Variants in ADGRL3 observed in about 807,000 individuals in gnomAD.
ADGRL3 encodes calcium-independent alpha-latrotoxin receptor 3.
ADGRL3 carries 62 observed loss-of-function variants against 153.5 expected under a neutral mutation model. That is an observed-to-expected ratio of 0.40 (90% CI 0.33 to 0.50). ADGRL3 has a LOEUF of 0.50. ADGRL3 is among the 20% of genes least tolerant of loss of function. ADGRL3 has a pLI of 0.47. For synonymous variants in ADGRL3, 710 were observed against 672.5 expected (o/e 1.06, Z -0.86); for missense variants, 1,641 against 1,859.4 (o/e 0.88, Z 2.16).
chr4:61,789,536 A>G (rs1011395064), intron 8 of ADGRL3, among the ~76,000 whole-genome samples: 1 of 152,182 alleles, frequency 6.6e-6, no homozygotes, highest in Non-Finnish European at 1.5e-5. Flanking sequence ...AATACACAAT[A>G]AAGTTCCATT....
chr4:61,664,748 T>G (rs1171398328), intron 5 of ADGRL3, among the ~76,000 whole-genome samples: 5 of 152,208 alleles, frequency 3.3e-5, no homozygotes, highest in African/African-American at 1.2e-4. Context: ...GGTTTATTTT[T>G]GTTCTTAGTT....
rs1307909102 is a variant in ADGRL3 at position 61,201,050 on chromosome 4, G to A, written c.-955G>A. Among the ~76,000 whole-genome samples, 1 of 152,172 alleles carries A rather than the reference G, an allele frequency of 6.6e-6. No homozygotes were observed. The highest frequency in any genetic ancestry group is 1.5e-5 in the Non-Finnish European group (1 of 68,022). ...GGACCCTCGGCTGGGAGAGAGCCTC[G>A]GGAGGACGAAGAGGAGGACGGTTTG... On this transcript the variant is annotated 5_prime_UTR_variant, in exon 1 of 27. Coordinates refer to ENST00000683033, the MANE Select transcript of ADGRL3 (RefSeq NM_001387552.1).
At chr4:61,956,327 T>C (rs1489658195) in intron 17 of ADGRL3, among the ~76,000 whole-genome samples, 1 of 151,864 alleles carries the variant, frequency 6.6e-6, no homozygotes, top group African/African-American at 2.4e-5. Context: ...GTTGGCTGCG[T>C]AAATGTCGTC....
At chr4:61,786,525 A>G (rs2097277601) in intron 8 of ADGRL3, among the ~76,000 whole-genome samples, 1 of 152,206 alleles carries the variant, frequency 6.6e-6, no homozygotes, top group South Asian at 2.1e-4. Flanking sequence ...ATGGGGAAAA[A>G]GAGGAGATGC....
chr4:61,620,424 A>G (rs2092417425), intron 5 of ADGRL3, among the ~76,000 whole-genome samples: 1 of 152,142 alleles, frequency 6.6e-6, no homozygotes, highest in Admixed American at 6.5e-5. Context: ...GAGTTATGGT[A>G]CCAATGATGG....
At chr4:61,399,433 G>A (rs2096904722) in intron 2 of ADGRL3, among the ~76,000 whole-genome samples, 3 of 151,538 alleles carry the variant, frequency 2.0e-5, no homozygotes, top group Non-Finnish European at 3.0e-5. Context: ...ATCAGACAAT[G>A]ATATATAACA....
chr4:61,396,269 A>G (rs989844542), intron 2 of ADGRL3, among the ~76,000 whole-genome samples: 2 of 151,936 alleles, frequency 1.3e-5, no homozygotes, highest in African/African-American at 4.8e-5. Context: ...CTCATTATTT[A>G]TATTTATGTT....
At chr4:61,765,315 A>G (rs146282619) in intron 8 of ADGRL3, among the ~76,000 whole-genome samples, 13,181 of 151,978 alleles carry the variant, frequency 0.087, 1,241 homozygotes, top group African/African-American at 0.23. Flanking sequence ...ATGAGACTGG[A>G]GCCTAATAAA....
chr4:61,467,243 T>A (rs1030586809), intron 2 of ADGRL3, among the ~76,000 whole-genome samples: 1 of 152,172 alleles, frequency 6.6e-6, no homozygotes, highest in Non-Finnish European at 1.5e-5. Context: ...ATGTTTTGTT[T>A]CAATCTCTTT....
At chr4:61,333,797 G>T (rs1308249752) in intron 1 of ADGRL3, among the ~76,000 whole-genome samples, 5 of 151,760 alleles carry the variant, frequency 3.3e-5, no homozygotes, top group African/African-American at 1.2e-4. Context: ...TTTATTTTTT[G>T]TAAAGAGGGA....
intron 21 of ADGRL3, among the ~76,000 whole-genome samples, chr4:62,011,746 T>A (rs1164065236): frequency 6.6e-6 from 1 of 152,130 alleles, no homozygotes; most frequent in African/African-American, 2.4e-5. Flanking sequence ...CAAAACTTTT[T>A]TAAAATATAA....
At chr4:61,948,437 A>G (rs1484578871) in intron 17 of ADGRL3, among the ~76,000 whole-genome samples, 161 bp downstream of exon 17, 1 of 152,206 alleles carries the variant, frequency 6.6e-6, no homozygotes, top group Non-Finnish European at 1.5e-5. Flanking sequence ...CTTGTGGATG[A>G]TTCAAAGAAC....
chr4:61,771,540 T>A (rs1353640442), intron 8 of ADGRL3, among the ~76,000 whole-genome samples: 1 of 152,234 alleles, frequency 6.6e-6, no homozygotes, highest in African/African-American at 2.4e-5. Context: ...AATCCCCTTT[T>A]GTCCCCTAAT....
At chr4:61,384,277 A>G (rs1252019835) in intron 2 of ADGRL3, among the ~76,000 whole-genome samples, 4 of 151,864 alleles carry the variant, frequency 2.6e-5, no homozygotes, top group African/African-American at 9.7e-5. Flanking sequence ...CCTGTTTTAC[A>G]GAAGAGATAT....
At chr4:61,270,667 T>A (rs1218787190) in intron 1 of ADGRL3, among the ~76,000 whole-genome samples, 1 of 151,706 alleles carries the variant, frequency 6.6e-6, no homozygotes, top group East Asian at 1.9e-4. Flanking sequence ...ACTGTGGCCA[T>A]TAGGCAGACT....
chr4:61,937,712 C>T (rs182768375), intron 15 of ADGRL3, among the ~76,000 whole-genome samples: 77 of 152,260 alleles, frequency 5.1e-4, no homozygotes, highest in African/African-American at 1.7e-3. Flanking sequence ...AAGCAGAGGC[C>T]TTGTCTAATC....
intron 17 of ADGRL3, among the ~76,000 whole-genome samples, chr4:61,969,243 A>T (rs1386241684): frequency 6.6e-6 from 1 of 152,138 alleles, no homozygotes; most frequent in Non-Finnish European, 1.5e-5. Flanking sequence ...CTTATTGTAT[A>T]TTCAAGCTAA....
At chr4:61,746,181 A>G (rs911833850) in intron 8 of ADGRL3, among the ~76,000 whole-genome samples, 2 of 152,212 alleles carry the variant, frequency 1.3e-5, no homozygotes, top group African/African-American at 4.8e-5. Context: ...TATGCACCCA[A>G]CACAGGAGCA....
chr4:61,307,510 A>G (rs1179295959), intron 1 of ADGRL3, among the ~76,000 whole-genome samples: 1 of 152,294 alleles, frequency 6.6e-6, no homozygotes, highest in Non-Finnish European at 1.5e-5. Flanking sequence ...TTACTTTTTT[A>G]AATTATATTT....
Sources: allele counts gnomAD v4.1 joint callset (sites outside exome capture counted in the v4.1 genomes callset), GRCh38; gene constraint gnomAD v4.1.1; transcripts MANE v1.5; gene names NCBI Gene and HGNC (gene_info 2026-07-23, HGNC 2026-07-21).